Variants in CEP135 observed in about 807,000 individuals in gnomAD.
CEP135 encodes centrosomal protein 135, also known as centrosomal protein of 135 kDa.
A neutral mutation model predicts 157.3 loss-of-function variants in CEP135; 142 were observed. The ratio of observed to expected loss-of-function variants is 0.90; its 90% CI spans 0.79 to 1.04. CEP135 has a LOEUF of 1.04. CEP135 is among the 50% of genes least tolerant of loss of function. The probability of loss-of-function intolerance (pLI) is 0.00; values close to 1 mark genes in which losing one functional copy is unlikely to be tolerated. For missense variants in CEP135, 1,317 were observed against 1,309.2 expected, an observed-to-expected ratio of 1.01 and a Z score of -0.09; for synonymous variants, 396 against 439.8, an observed-to-expected ratio of 0.90 and a Z score of 1.25.
intron 17 of CEP135, among the ~76,000 whole-genome samples, chr4:56,007,522 G>A (rs1730397570): frequency 6.6e-6 from 1 of 152,162 alleles, no homozygotes; most frequent in Non-Finnish European, 1.5e-5. Context: ...GAGTTTCCAG[G>A]GATGAGGAGG....
intron 5 of CEP135, 56 bp from the exon 6 acceptor site, chr4:55,959,626 C>G: frequency 6.9e-7 from 1 of 1,447,830 alleles, no homozygotes. Context: ...AGCTTCGTTT[C>G]TTATTTTGTA....
In CEP135 at chr4:56,011,540, G is replaced by C. The variant is rs1376651494; in HGVS notation, c.2616+18G>C. ...CTGCCAAGGTGAAAAATATTATTTA[G>C]GTTGGATTTAAGACTGAGGTTTTTT... On this transcript the variant is annotated intron_variant, in intron 20 of 25. Transcript: ENST00000257287. The C allele has an allele frequency of 6.5e-7, 1 of 1,545,814 alleles. No individual in the cohort carries two copies. Among genetic ancestry groups the C allele is most frequent in the South Asian group, 1.2e-5 (1 of 83,804 alleles).
intron 15 of CEP135, among the ~76,000 whole-genome samples, chr4:55,998,592 T>C (rs1730056263): frequency 6.6e-6 from 1 of 152,146 alleles, no homozygotes; most frequent in Non-Finnish European, 1.5e-5. Context: ...GGGCTGGGAA[T>C]GGTGGCTCAC....
At chr4:56,017,114 T>A (rs1033037065) in intron 21 of CEP135, among the ~76,000 whole-genome samples, 1 of 152,072 alleles carries the variant, frequency 6.6e-6, no homozygotes, top group Non-Finnish European at 1.5e-5. Context: ...GAAAAAAAAA[T>A]TTATCATTAT....
chr4:55,956,329 G>T (rs1728503451), intron 4 of CEP135, among the ~76,000 whole-genome samples: 1 of 152,086 alleles, frequency 6.6e-6, no homozygotes. Context: ...TCCTTAAAGA[G>T]ATAAATTGTC....
At chr4:55,959,211 A>G (rs1241422665) in intron 5 of CEP135, among the ~76,000 whole-genome samples, 1 of 152,252 alleles carries the variant, frequency 6.6e-6, no homozygotes, top group Non-Finnish European at 1.5e-5. Flanking sequence ...GTTGGAATTA[A>G]CAAGTTCCAG....
At chr4:56,007,469 A>C (rs907422371) in intron 17 of CEP135, among the ~76,000 whole-genome samples, 4 of 152,174 alleles carry the variant, frequency 2.6e-5, no homozygotes, top group African/African-American at 7.2e-5. Context: ...GTTGTTACTG[A>C]ACTACCACTC....
At chr4:55,955,383 G>A (rs908341413) in intron 4 of CEP135, among the ~76,000 whole-genome samples, 1 of 152,222 alleles carries the variant, frequency 6.6e-6, no homozygotes, top group African/African-American at 2.4e-5. Flanking sequence ...AAAGGCCAAA[G>A]TGTATCATCT....
At position 55,999,652 on chromosome 4, in the gene CEP135, G is replaced by T. The variant is rs1489918001; in HGVS notation, c.2280+7G>T. 6.3e-7 allele frequency: 1 copy of T among 1,580,382 alleles called. No individual in the cohort carries two copies. On this transcript the variant is annotated splice_region_variant and intron_variant, in intron 17 of 25. Coordinates refer to ENST00000257287, the MANE Select transcript of CEP135 (RefSeq NM_025009.5). Reference sequence around the variant, plus strand: ...AGAAAACCTAGCTAATAAAGTATGTGATCGTTTAATGTAATTTTCCAGCAT... The same window carrying T: ...AGAAAACCTAGCTAATAAAGTATGTTATCGTTTAATGTAATTTTCCAGCAT...
intron 10 of CEP135, among the ~76,000 whole-genome samples, chr4:55,971,641 A>G (rs1229569375): frequency 6.6e-6 from 1 of 151,654 alleles, no homozygotes; most frequent in Non-Finnish European, 1.5e-5. Context: ...AATATTTTGC[A>G]ATAGAAATGT....
At chr4:56,004,525 C>T (rs1730286078) in intron 17 of CEP135, among the ~76,000 whole-genome samples, 1 of 152,196 alleles carries the variant, frequency 6.6e-6, no homozygotes, top group African/African-American at 2.4e-5. Flanking sequence ...CTACCATTAT[C>T]GTATTGCAGT....
chr4:55,999,738 G>T lies in CEP135; in HGVS notation c.2280+93G>T. 3 of 1,316,398 alleles carry T rather than the reference G, an allele frequency of 2.3e-6. No individual in the cohort carries two copies. In the South Asian group the frequency reaches 4.3e-5, roughly 19 times the overall value. The allele number at this position is 1,316,398 out of a possible 1,614,324, so 81.5% of individuals were successfully genotyped here. The stretch of plus-strand genomic sequence containing the variant: ...GATGGGGTCTCACTCTGTCACTCAG[G>T]CTGGAGTGCAGTGGCATGATCACAG... On this transcript the variant is annotated intron_variant, in intron 17 of 25. Coordinates refer to ENST00000257287, the MANE Select transcript of CEP135 (RefSeq NM_025009.5).
chr4:55,990,277 T>C (rs375177153), intron 14 of CEP135, among the ~76,000 whole-genome samples: 8 of 152,194 alleles, frequency 5.3e-5, no homozygotes, highest in African/African-American at 1.9e-4. Flanking sequence ...TGTATTCTTA[T>C]TCCTTTACTG....
At position 55,965,673 on chromosome 4, in the gene CEP135, C is replaced by G. The variant is rs1728817984; in HGVS notation, c.858C>G (p.Asp286Glu). Residue 286 changes from aspartate to glutamate, a missense_variant, in exon 8 of 26, where the codon GAC becomes GAG. Transcript: ENST00000257287. ...ACTTTCTTCAGCAAGCTAATAAAGA[C>G]CTGGAGAAGCGTATACGAGAGCTTA... Reference protein sequence around the residue: ...QVDFLQQANKDLEKRIRELME... With the variant: ...QVDFLQQANKELEKRIRELME... 6.2e-7 allele frequency: 1 copy of G among 1,611,172 alleles called. No homozygotes were observed. Among genetic ancestry groups the G allele is most frequent in the African/African-American group, 1.3e-5 (1 of 74,710 alleles).
At chr4:55,988,395 T>TA (rs1165462640) in intron 14 of CEP135, among the ~76,000 whole-genome samples, 1 of 152,144 alleles carries the variant, frequency 6.6e-6, no homozygotes, top group Non-Finnish European at 1.5e-5. Context: ...CATGATGGCT[T>TA]ACGCTTGTAA....
intron 21 of CEP135, among the ~76,000 whole-genome samples, chr4:56,014,943 C>T (rs1467426365): frequency 6.6e-6 from 1 of 151,972 alleles, no homozygotes; most frequent in Non-Finnish European, 1.5e-5. Flanking sequence ...GGCTGTAGTC[C>T]CAGCTACTTG....
rs145106927 is a variant in CEP135 at position 55,984,431 on chromosome 4, C to T, written c.1780-850C>T. 2.5e-3 allele frequency among the ~76,000 whole-genome samples: 387 copies of T among 152,302 alleles called. 1 individual carries two copies. Among genetic ancestry groups the T allele is most frequent in the African/African-American group, 8.0e-3 (331 of 41,556 alleles). ...TTTGGCATAAAGTTCCTTTTCCTAGCAGAATATTCATGGATTTTATTTTGA... is the reference window on the plus strand; with the variant it reads ...TTTGGCATAAAGTTCCTTTTCCTAGTAGAATATTCATGGATTTTATTTTGA... On this transcript the variant is annotated intron_variant, in intron 13 of 25. Coordinates refer to ENST00000257287, the MANE Select transcript of CEP135 (RefSeq NM_025009.5).
chr4:56,000,445 C>T lies in CEP135; in HGVS notation c.2280+800C>T, dbSNP rs571650409. On this transcript the variant is annotated intron_variant, in intron 17 of 25. Coordinates refer to ENST00000257287, the MANE Select transcript of CEP135 (RefSeq NM_025009.5). Reference sequence around the variant, plus strand: ...TTTCGAACACCAGGTCTTATTTCTTCTAAGTGTATATTTGTGCCCATTAAT... The same window carrying T: ...TTTCGAACACCAGGTCTTATTTCTTTTAAGTGTATATTTGTGCCCATTAAT... Among the ~76,000 whole-genome samples, 6 of 152,246 alleles carry T rather than the reference C, an allele frequency of 3.9e-5. No homozygotes were observed. The South Asian group carries it at 1.0e-3, about 26-fold the overall frequency.
intron 11 of CEP135, among the ~76,000 whole-genome samples, chr4:55,979,603 G>A (rs1729332371): frequency 6.6e-6 from 1 of 152,102 alleles, no homozygotes; most frequent in South Asian, 2.1e-4. Context: ...ACCTGTACTG[G>A]GCGAGCAGGC....
Sources: allele counts gnomAD v4.1 joint callset (sites outside exome capture counted in the v4.1 genomes callset), GRCh38; gene constraint gnomAD v4.1.1; transcripts MANE v1.5; gene names NCBI Gene and HGNC (gene_info 2026-07-23, HGNC 2026-07-21).